LSG1: variants seen among roughly 807,000 people sequenced by gnomAD.
LSG1 encodes large 60S subunit nuclear export GTPase 1, also known as large subunit GTPase 1 homolog.
LSG1 carries 55 observed loss-of-function variants against 82.6 expected under a neutral mutation model. That is an observed-to-expected ratio of 0.67 (90% CI 0.54 to 0.83). The LOEUF (loss-of-function observed/expected upper bound fraction) is 0.83, where lower values mean the gene tolerates loss of function less well. Ranked by LOEUF, LSG1 falls within the 40% of genes least tolerant of loss-of-function variation. The probability of loss-of-function intolerance (pLI) is 0.00; values close to 1 mark genes in which losing one functional copy is unlikely to be tolerated. For synonymous variants in LSG1, 272 were observed against 282.5 expected (o/e 0.96, Z 0.37); for missense variants, 809 against 807.9 (o/e 1.00, Z -0.02).
chr3:194,669,012 G>GA (rs1365697861), intron 2 of LSG1, among the ~76,000 whole-genome samples: 1 of 152,194 alleles, frequency 6.6e-6, no homozygotes, highest in Non-Finnish European at 1.5e-5. Flanking sequence ...GAAGCAGAGA[G>GA]AAAATGGTGG....
chr3:194,646,233 T>C lies in LSG1; in HGVS notation c.1554A>G (p.Gly518=), dbSNP rs947563902. 1 of 1,613,664 alleles carries C rather than the reference T, an allele frequency of 6.2e-7. No individual in the cohort carries two copies. Residue 518 remains glycine, a synonymous_variant, in exon 12 of 14, where the codon GGA becomes GGG. Transcript: ENST00000265245. ...ELLTAYGYMR[G]FMTAHGQPDQ... The stretch of plus-strand genomic sequence containing the variant: ...CTGGCTGTCCATGCGCTGTCATGAA[T>C]CCTCGCATGTCTGTGGAGAGAAAAG...
rs13072381 is a variant in LSG1 at position 194,641,957 on chromosome 3, G to T, written c.*111C>A. On this transcript the variant is annotated 3_prime_UTR_variant, in exon 14 of 14. Transcript: ENST00000265245. The stretch of plus-strand genomic sequence containing the variant: ...TTGGGTGCAGCCGTGCTCTGCAAGA[G>T]CAGGGCCCGTTCTACAGTGCTAGTG... The T allele has an allele frequency of 5.9e-6, 7 of 1,193,200 alleles. No individual in the cohort carries two copies. Among genetic ancestry groups the T allele is most frequent in the Non-Finnish European group, 8.3e-6 (7 of 843,722 alleles). 73.9% of individuals were successfully genotyped at this position (1,193,200 alleles called of 1,614,324 possible). A position where few individuals can be genotyped will look rare whatever the true frequency, so the allele number is the denominator to read the frequency against.
intron 2 of LSG1, among the ~76,000 whole-genome samples, chr3:194,667,942 A>AAAAAAAAAAATATAT (rs1416407494): frequency 1.1e-5 from 1 of 86,960 alleles, no homozygotes; most frequent in African/African-American, 4.8e-5. Context: ...AAAAAAAAAA[A>AAAAAAAAAAATATAT]ATATATATAT....
At chr3:194,671,282 A>ACC (rs1480135594) in intron 1 of LSG1, among the ~76,000 whole-genome samples, 2 of 152,200 alleles carry the variant, frequency 1.3e-5, no homozygotes, top group Non-Finnish European at 2.9e-5. Context: ...AATAAAAATT[A>ACC]CCAGTAATCT....
rs789989 is a variant in LSG1 at position 194,641,813 on chromosome 3, T to C, written c.*255A>G. 8.8e-6 allele frequency: 3 copies of C among 339,208 alleles called. No homozygotes were observed. In the East Asian group the frequency reaches 1.4e-4, roughly 16 times the overall value. 21.0% of individuals were successfully genotyped at this position (339,208 alleles called of 1,614,324 possible). On this transcript the variant is annotated 3_prime_UTR_variant, in exon 14 of 14. Coordinates refer to ENST00000265245, the MANE Select transcript of LSG1 (RefSeq NM_018385.3). Reference sequence around the variant, plus strand: ...GTATTTTTAGTAGAGACGGGGTTTCTCCATGTTGGTGCGTGAGCCACTGTG... The same window carrying C: ...GTATTTTTAGTAGAGACGGGGTTTCCCCATGTTGGTGCGTGAGCCACTGTG...
At chr3:194,644,374 A>T (rs1718465951) in intron 13 of LSG1, among the ~76,000 whole-genome samples, 199 bp downstream of exon 13, 1 of 129,964 alleles carries the variant, frequency 7.7e-6, no homozygotes, top group African/African-American at 3.1e-5. Context: ...GTCTCAAAAA[A>T]AAAAAATAAA....
chr3:194,653,559 G>A (rs999761787), intron 7 of LSG1, among the ~76,000 whole-genome samples: 2 of 151,986 alleles, frequency 1.3e-5, no homozygotes, highest in African/African-American at 4.8e-5. Context: ...AAGTTCGACG[G>A]AGATGGAAAG....
intron 4 of LSG1, 58 bp from the exon 5 acceptor site, chr3:194,665,701 A>G: frequency 1.0e-6 from 1 of 959,978 alleles, no homozygotes; most frequent in Non-Finnish European, 1.6e-6. Flanking sequence ...AATTTTTAGC[A>G]GTGTAAATGC....
At position 194,659,153 on chromosome 3, in the gene LSG1, T is replaced by C; in HGVS notation, c.583-20A>G. On this transcript the variant is annotated intron_variant, in intron 6 of 13. Coordinates refer to ENST00000265245, the MANE Select transcript of LSG1 (RefSeq NM_018385.3). Reference sequence around the variant, plus strand: ...ACATTCCTAAGCAAGACAAAGAGATTTAGAAAGACCTCTTCAAACAAGTAA... The same window carrying C: ...ACATTCCTAAGCAAGACAAAGAGATCTAGAAAGACCTCTTCAAACAAGTAA... 6.3e-7 allele frequency: 1 copy of C among 1,588,308 alleles called. No individual in the cohort carries two copies. Among genetic ancestry groups the C allele is most frequent in the Non-Finnish European group, 8.6e-7 (1 of 1,164,032 alleles).
Position 194,652,969 on chromosome 3 carries a change from T to C in LSG1, c.933A>G (p.Pro311=), listed in dbSNP as rs147611903. The change falls in exon 8 of 14, where the codon CCA becomes CCG. Residue 311 remains proline, a synonymous_variant. Coordinates refer to ENST00000265245, the MANE Select transcript of LSG1 (RefSeq NM_018385.3). Reference sequence around the variant, plus strand: ...TCTGCCAGTCGTCTTCCTCCTCCTCTGGACAGTCCTCATACTCACTGTCAT... The same window carrying C: ...TCTGCCAGTCGTCTTCCTCCTCCTCCGGACAGTCCTCATACTCACTGTCAT... ...DEDDSEYEDC[P]EEEEDDWQTC... The C allele has an allele frequency of 1.5e-4, 248 of 1,614,184 alleles. 3 individuals are homozygous for C. The highest frequency in any genetic ancestry group is 1.4e-3 in the South Asian group (131 of 91,080).
intron 13 of LSG1, among the ~76,000 whole-genome samples, chr3:194,642,935 A>G (rs1718429311): frequency 6.6e-6 from 1 of 152,242 alleles, no homozygotes; most frequent in South Asian, 2.1e-4. Flanking sequence ...TGGGTAACTC[A>G]GTCTCTTTGA....
At chr3:194,665,977 A>T (rs1006348060) in intron 4 of LSG1, among the ~76,000 whole-genome samples, 7 of 152,352 alleles carry the variant, frequency 4.6e-5, no homozygotes, top group South Asian at 2.1e-4. Flanking sequence ...AATGAAAGGA[A>T]AAGGCCCGGA....
At chr3:194,655,974 CCCTTACA>C (rs954490618) in intron 7 of LSG1, among the ~76,000 whole-genome samples, 13 of 152,070 alleles carry the variant, frequency 8.5e-5, no homozygotes, top group Non-Finnish European at 1.6e-4. Context: ...CTGGATCCCT[CCCTTACA>C]CCTTACACAA....
chr3:194,659,063 G>A lies in LSG1; in HGVS notation c.653C>T (p.Thr218Ile), dbSNP rs1311743402. The A allele has an allele frequency of 1.2e-6, 2 of 1,613,978 alleles. No individual in the cohort carries two copies. Among genetic ancestry groups the A allele is most frequent in the Non-Finnish European group, 1.7e-6 (2 of 1,179,952 alleles). ...VILINKADLL[T>I]AEQRSAWAMY... ...GGCCCAGGCACTCCGCTGCTCAGCA[G>A]TCAGCAAGTCTGCCTTGTTGATCAG... The change falls in exon 7 of 14, where the codon ACT (threonine) becomes ATT (isoleucine). Residue 218 changes from threonine to isoleucine, a missense_variant. Coordinates refer to ENST00000265245, the MANE Select transcript of LSG1 (RefSeq NM_018385.3).
rs1428978414 is a variant in LSG1 at position 194,646,197 on chromosome 3, T to G, written c.1590A>C (p.Arg530=). The change falls in exon 12 of 14, where the codon CGA becomes CGC. Residue 530 remains arginine (R), a synonymous_variant. Transcript: ENST00000265245. ...AGTCCTTCAGGATGTAGCGCGCAGATCGAGGCTGGTCTGGCTGTCCATGCG... is the reference window on the plus strand; with the variant it reads ...AGTCCTTCAGGATGTAGCGCGCAGAGCGAGGCTGGTCTGGCTGTCCATGCG... ...MTAHGQPDQP[R]SARYILKDYV... 1.2e-6 allele frequency: 2 copies of G among 1,614,140 alleles called. No homozygotes were observed. The highest frequency in any genetic ancestry group is 3.3e-5 in the Admixed American group (2 of 60,018).
rs1263363353 is a variant in LSG1 at position 194,653,121 on chromosome 3, T to C, written c.781A>G (p.Arg261Gly). 1.2e-6 allele frequency: 2 copies of C among 1,614,018 alleles called. No homozygotes were observed. ...CCAAACTTGGTTGTGTTGCTTTGTC[T>C]ATCATCTCTGTTTGCCTCTTCCTGA... Reference protein sequence around the residue: ...DSEEEANRDDRQSNTTKFGHS... With the variant: ...DSEEEANRDDGQSNTTKFGHS... The change falls in exon 8 of 14, where the codon AGA (arginine) becomes GGA (glycine). Residue 261 changes from arginine to glycine, a missense_variant. Transcript: ENST00000265245.
At position 194,653,158 on chromosome 3, in the gene LSG1, A is replaced by G. The variant is rs368436395; in HGVS notation, c.760-16T>C. ...TTGCCTCTTCCTGACAAAATAATAG[A>G]AACGCTCAGAAGTATATAACTGCAG... is the stretch of plus-strand genomic sequence containing the variant. On this transcript the variant is annotated splice_polypyrimidine_tract_variant and intron_variant, in intron 7 of 13. Coordinates refer to ENST00000265245, the MANE Select transcript of LSG1 (RefSeq NM_018385.3). 7.5e-6 allele frequency: 12 copies of G among 1,606,294 alleles called. No homozygotes were observed. The African/African-American group carries it at 1.6e-4, about 22-fold the overall frequency.
intron 1 of LSG1, chr3:194,671,794 A>AAC: frequency 2.0e-6 from 1 of 500,740 alleles, no homozygotes; most frequent in East Asian, 3.8e-5. Context: ...GCAAAACCCA[A>AAC]ACGTACTCAA....
rs369504215 is a variant in LSG1, at chr3:194,664,232, T to C, written c.521+1325A>G. Among the ~76,000 whole-genome samples, 8 of 152,278 alleles carry C rather than the reference T, an allele frequency of 5.3e-5. No individual in the cohort carries two copies. In the East Asian group the frequency reaches 1.4e-3, roughly 26 times the overall value. On this transcript the variant is annotated intron_variant, in intron 5 of 13. Coordinates refer to ENST00000265245, the MANE Select transcript of LSG1 (RefSeq NM_018385.3). The stretch of plus-strand genomic sequence containing the variant: ...CCTCCTAAAGTGCTGGGATCACAGG[T>C]GTGAGCCACCGCGCTGGGCCCTGTT...
Sources: allele counts gnomAD v4.1 joint callset (sites outside exome capture counted in the v4.1 genomes callset), GRCh38; gene constraint gnomAD v4.1.1; transcripts MANE v1.5; gene names NCBI Gene and HGNC (gene_info 2026-07-23, HGNC 2026-07-21).